Variants in RPS6KA2 observed in about 807,000 individuals in gnomAD.
RPS6KA2 encodes ribosomal protein S6 kinase alpha-2.
Under a neutral mutation model 91.8 loss-of-function variants are expected in RPS6KA2, and 42 were observed. The observed-to-expected ratio is 0.46, with a 90% CI of 0.36 to 0.59. The LOEUF is 0.59. Ranked by LOEUF, RPS6KA2 falls within the 20% of genes least tolerant of loss-of-function variation. RPS6KA2 has a pLI of 0.00. For missense variants in RPS6KA2, 798 were observed against 978.5 expected, an observed-to-expected ratio of 0.82 and a Z score of 2.46; for synonymous variants, 414 against 393.6, an observed-to-expected ratio of 1.05 and a Z score of -0.61.
At chr6:166,768,260 C>T (rs1583097387) in intron 2 of RPS6KA2, among the ~76,000 whole-genome samples, 1 of 152,210 alleles carries the variant, frequency 6.6e-6, no homozygotes, top group East Asian at 1.9e-4. Context: ...CCCCTTGGAA[C>T]TGGAACCTCC....
At chr6:166,594,200 T>C (rs545334907) in intron 1 of RPS6KA2, among the ~76,000 whole-genome samples, 17 of 152,336 alleles carry the variant, frequency 1.1e-4, no homozygotes, top group African/African-American at 4.1e-4. Context: ...TGGTAAGTGA[T>C]ATGAAACAGT....
intron 2 of RPS6KA2, among the ~76,000 whole-genome samples, chr6:166,536,604 G>A (rs943695796): frequency 2.6e-5 from 4 of 152,074 alleles, no homozygotes; most frequent in East Asian, 1.9e-4. Context: ...AGTCCAGCTC[G>A]CATTAATCCA....
At chr6:166,461,434 TAAG>T (rs1780286105) in intron 11 of RPS6KA2, among the ~76,000 whole-genome samples, 1 of 149,368 alleles carries the variant, frequency 6.7e-6, no homozygotes, top group African/African-American at 2.5e-5. Context: ...GCCGGGCTAT[TAAG>T]AATCCTGCTG....
chr6:166,832,311 G>C (rs990854070), intron 2 of RPS6KA2, among the ~76,000 whole-genome samples: 33 of 152,140 alleles, frequency 2.2e-4, no homozygotes, highest in Non-Finnish European at 3.5e-4. Context: ...AGGAAGTTGG[G>C]GGGGAAGCTC....
intron 3 of RPS6KA2, among the ~76,000 whole-genome samples, chr6:166,527,275 AG>A (rs978934123): frequency 6.2e-4 from 94 of 152,256 alleles, no homozygotes; most frequent in Middle Eastern, 3.4e-3. Context: ...CCAACTTTGA[AG>A]GGAAAGAAGG....
intron 2 of RPS6KA2, among the ~76,000 whole-genome samples, chr6:166,712,966 C>T (rs2294437): frequency 0.38 from 57,412 of 152,122 alleles, 14,587 homozygotes; most frequent in African/African-American, 0.73. Context: ...TCTGGGTTCC[C>T]GACAGCCTCA....
At position 166,448,787 on chromosome 6, in the gene RPS6KA2, C is replaced by G; in HGVS notation, c.1269G>C (p.Val423=). The change falls in exon 14 of 21, where the codon GTG becomes GTC. Residue 423 remains valine (V), a synonymous_variant. Coordinates refer to ENST00000265678, the MANE Select transcript of RPS6KA2 (RefSeq NM_021135.6). The surrounding 1 kb of genome is among the most constrained non-coding windows in gnomAD (Gnocchi z 4.7). ...ATCGCTTGCACACTGAGTAGGAGCC[C>G]ACCCCGATGTCCTCCTTGATCTCGT... is the stretch of plus-strand genomic sequence containing the variant. ...DGYEIKEDIG[V]GSYSVCKRCV... 1 of 1,613,948 alleles carries G rather than the reference C, an allele frequency of 6.2e-7. No individual in the cohort carries two copies. The highest frequency in any genetic ancestry group is 2.2e-5 in the East Asian group (1 of 44,886).
chr6:166,431,249 T>C (rs531787205), intron 15 of RPS6KA2, among the ~76,000 whole-genome samples: 15 of 152,280 alleles, frequency 9.9e-5, no homozygotes, highest in South Asian at 2.1e-4. Context: ...ATTTAGACGT[T>C]AAGAAATGCA....
At chr6:166,818,921 C>T (rs1414831411) in intron 2 of RPS6KA2, among the ~76,000 whole-genome samples, 2 of 152,010 alleles carry the variant, frequency 1.3e-5, no homozygotes, top group Non-Finnish European at 2.9e-5. Context: ...AGACCTGGAG[C>T]CAGCTACTGC....
chr6:166,772,533 CTA>C (rs1778501369), intron 2 of RPS6KA2, among the ~76,000 whole-genome samples: 1 of 152,200 alleles, frequency 6.6e-6, no homozygotes, highest in African/African-American at 2.4e-5. Flanking sequence ...GATTCTGTTT[CTA>C]TAACTTGAAA....
At position 166,699,092 on chromosome 6, in the gene RPS6KA2, C is replaced by G. The variant is rs185456398; in HGVS notation, c.123+159108G>C. Among the ~76,000 whole-genome samples, 3 of 152,222 alleles carry G rather than the reference C, an allele frequency of 2.0e-5. No homozygotes were observed. The East Asian group carries it at 5.8e-4, about 29-fold the overall frequency. On this transcript the variant is annotated intron_variant, in intron 2 of 21. Coordinates refer to the RPS6KA2 transcript ENST00000503859. ...CCCCTATGAGTGCACCGTAGTAACA[C>G]AGGTGGAGTAGATGACAACTAAGAG...
At chr6:166,789,535 C>A (rs1351713411) in intron 2 of RPS6KA2, among the ~76,000 whole-genome samples, 1 of 152,260 alleles carries the variant, frequency 6.6e-6, no homozygotes, top group African/African-American at 2.4e-5. Context: ...CAGCATGCAG[C>A]TGGAGATCTG....
chr6:166,740,256 T>C (rs767510200), intron 2 of RPS6KA2, among the ~76,000 whole-genome samples: 1 of 152,226 alleles, frequency 6.6e-6, no homozygotes, highest in Non-Finnish European at 1.5e-5. Context: ...AAAATTATGA[T>C]TCAAAATGAA....
At chr6:166,716,983 C>A (rs1256991383) in intron 2 of RPS6KA2, among the ~76,000 whole-genome samples, 1 of 152,246 alleles carries the variant, frequency 6.6e-6, no homozygotes, top group Non-Finnish European at 1.5e-5. Context: ...GAACAAGGAC[C>A]TTGCTCATGG....
intron 3 of RPS6KA2, among the ~76,000 whole-genome samples, chr6:166,529,498 C>T (rs1444017078): frequency 6.6e-6 from 1 of 152,008 alleles, no homozygotes; most frequent in East Asian, 1.9e-4. Flanking sequence ...TGCAGCACAC[C>T]AGCATGGCAC....
chr6:166,839,292 G>A (rs888602165), intron 2 of RPS6KA2, among the ~76,000 whole-genome samples: 1 of 152,066 alleles, frequency 6.6e-6, no homozygotes, highest in Non-Finnish European at 1.5e-5. Flanking sequence ...TGAATTCATG[G>A]CTATATATTT....
At chr6:166,575,628 A>G (rs114239721) in intron 1 of RPS6KA2, among the ~76,000 whole-genome samples, 438 of 152,224 alleles carry the variant, frequency 2.9e-3, no homozygotes, top group African/African-American at 8.0e-3. Context: ...CCTTTTTTAC[A>G]TGCTTTCATT....
At chr6:166,701,537 A>G (rs1384906383) in intron 2 of RPS6KA2, 1 of 1,445,464 alleles carries the variant, frequency 6.9e-7, no homozygotes. Flanking sequence ...GCAAAGCGAG[A>G]AAGCTGCTTG....
intron 1 of RPS6KA2, among the ~76,000 whole-genome samples, chr6:166,541,340 C>T (rs563356468): frequency 7.9e-5 from 12 of 152,236 alleles, no homozygotes; most frequent in African/African-American, 2.9e-4. Flanking sequence ...CGTTTCCCAG[C>T]CCTTGTGTAT....
Sources: allele counts gnomAD v4.1 joint callset (sites outside exome capture counted in the v4.1 genomes callset), GRCh38; gene constraint gnomAD v4.1.1; non-coding constraint Gnocchi (gnomAD v3.1); transcripts MANE v1.5; gene names NCBI Gene and HGNC (gene_info 2026-07-23, HGNC 2026-07-21).